The following PLA2G4C variants were observed in gnomAD, a reference collection of about 807,000 sequenced individuals.
PLA2G4C encodes cytosolic phospholipase A2 gamma.
Under a neutral mutation model 73.8 loss-of-function variants are expected in PLA2G4C, and 64 were observed. That is an observed-to-expected ratio of 0.87 (90% CI 0.71 to 1.07). The LOEUF (loss-of-function observed/expected upper bound fraction) is 1.07. Ranked by LOEUF, PLA2G4C falls within the 50% of genes least tolerant of loss-of-function variation. PLA2G4C has a pLI of 0.00. For missense variants in PLA2G4C, 622 were observed against 665.4 expected, an observed-to-expected ratio of 0.93 and a Z score of 0.72; for synonymous variants, 254 against 252.1, an observed-to-expected ratio of 1.01 and a Z score of -0.07.
At position 48,098,993 on chromosome 19, in the gene PLA2G4C, G is replaced by A. The variant is rs567841598; in HGVS notation, c.447+678C>T. Among the ~76,000 whole-genome samples the A allele has an allele frequency of 2.2e-4, 33 of 152,056 alleles. No individual in the cohort carries two copies. In the South Asian group the frequency reaches 2.3e-3, roughly 11 times the overall value. ...CTCATACACGTAATCCCAGCACTTC[G>A]GGAGGCTGAGATAGGAGGATCACTT... On this transcript the variant is annotated intron_variant, in intron 5 of 16. Transcript: ENST00000599921.
intron 7 of PLA2G4C, among the ~76,000 whole-genome samples, chr19:48,093,419 GCTCCCAACTT>G (rs1428372834): frequency 6.6e-6 from 1 of 152,078 alleles, no homozygotes; most frequent in African/African-American, 2.4e-5. Flanking sequence ...CTTCTCAACT[GCTCCCAACTT>G]CTAAGTTTAC....
At chr19:48,056,921 A>G (rs1326478814) in intron 14 of PLA2G4C, among the ~76,000 whole-genome samples, 1 of 151,198 alleles carries the variant, frequency 6.6e-6, no homozygotes, top group Non-Finnish European at 1.5e-5. Context: ...TCTAAGTGGG[A>G]GCTGAATGAT....
chr19:48,095,618 ACAACGG>A lies in PLA2G4C; in HGVS notation c.569-20_569-15del. On this transcript the variant is annotated splice_polypyrimidine_tract_variant and intron_variant, in intron 6 of 16. Coordinates refer to ENST00000599921, the MANE Select transcript of PLA2G4C (RefSeq NM_003706.3). Reference sequence around the variant, plus strand: ...CGAACCAGGTCTCTGCAGAGGAAATACAACGGCAAGTGAGTCCCAGCACAGAACCAG... The same window carrying A: ...CGAACCAGGTCTCTGCAGAGGAAATACAAGTGAGTCCCAGCACAGAACCAG... The A allele has an allele frequency of 6.2e-7, 1 of 1,613,872 alleles. No homozygotes were observed. Among genetic ancestry groups the A allele is most frequent in the Non-Finnish European group, 8.5e-7 (1 of 1,179,854 alleles).
At chr19:48,053,186 A>G in intron 15 of PLA2G4C, 39 bp from the exon 16 acceptor site, 2 of 1,479,456 alleles carry the variant, frequency 1.4e-6, no homozygotes. Flanking sequence ...AGGCATCATG[A>G]GTTTGGACAA....
intron 6 of PLA2G4C, among the ~76,000 whole-genome samples, chr19:48,096,451 T>C (rs383849): frequency 0.7 from 106,124 of 151,556 alleles, 38,640 homozygotes; most frequent in East Asian, 0.92. Flanking sequence ...GGCGTGGTGG[T>C]GCATGCCTAT....
chr19:48,106,500 G>A (rs180758334), intron 2 of PLA2G4C, 22 bp downstream of exon 2: 206 of 1,580,918 alleles, frequency 1.3e-4, no homozygotes, highest in South Asian at 2.2e-4. Flanking sequence ...TCCCCATAGT[G>A]GTCAGCTCTA....
At chr19:48,065,961 C>T (rs944846052) in intron 13 of PLA2G4C, among the ~76,000 whole-genome samples, 5 of 151,998 alleles carry the variant, frequency 3.3e-5, no homozygotes, top group Non-Finnish European at 2.9e-5. Context: ...GGCGTGGTGG[C>T]GCATGCCTGT....
intron 10 of PLA2G4C, among the ~76,000 whole-genome samples, chr19:48,084,040 TTGTGTG>T (rs71181645): frequency 0.016 from 2,256 of 139,172 alleles, 62 homozygotes; most frequent in African/African-American, 0.056. Context: ...AATGCCAATT[TTGTGTG>T]TGTGTGTGTG....
At position 48,095,602 on chromosome 19, in the gene PLA2G4C, T is replaced by G; in HGVS notation, c.571A>C (p.Thr191Pro). The change falls in exon 7 of 17, where the codon ACC becomes CCC. Residue 191 changes from threonine to proline, a missense_variant and splice_region_variant. Transcript: ENST00000599921. Reference sequence around the variant, plus strand: ...TGGTGAGGGGTGAACTCGAACCAGGTCTCTGCAGAGGAAATACAACGGCAA... The same window carrying G: ...TGGTGAGGGGTGAACTCGAACCAGGGCTCTGCAGAGGAAATACAACGGCAA... ...PSWQEARAPE[T>P]WFEFTPHHAG... 6 of 1,613,944 alleles carry G rather than the reference T, an allele frequency of 3.7e-6. No individual in the cohort carries two copies. The highest frequency in any genetic ancestry group is 5.1e-6 in the Non-Finnish European group (6 of 1,179,972).
At chr19:48,055,713 T>C (rs1430837530) in intron 14 of PLA2G4C, among the ~76,000 whole-genome samples, 1 of 152,114 alleles carries the variant, frequency 6.6e-6, no homozygotes, top group Non-Finnish European at 1.5e-5. Flanking sequence ...TGATCTCAGC[T>C]CACTGCAACC....
At chr19:48,078,171 T>G (rs2030296356) in intron 10 of PLA2G4C, among the ~76,000 whole-genome samples, 1 of 152,106 alleles carries the variant, frequency 6.6e-6, no homozygotes, top group South Asian at 2.1e-4. Flanking sequence ...CCACATCCCT[T>G]TATGATTAAA....
chr19:48,110,445 C>T, intron 1 of PLA2G4C, 42 bp downstream of exon 1: 2 of 1,455,248 alleles, frequency 1.4e-6, no homozygotes, highest in Non-Finnish European at 1.8e-6. Context: ...GTTATGGCCG[C>T]CCCAGCGGGA....
At chr19:48,076,153 G>A (rs1343035102) in intron 11 of PLA2G4C, among the ~76,000 whole-genome samples, 1 of 152,204 alleles carries the variant, frequency 6.6e-6, no homozygotes, top group East Asian at 1.9e-4. Context: ...AAAACAGGGA[G>A]GGAGGCATGA....
rs191268746 is a variant in PLA2G4C, at chr19:48,072,038, C to T, written c.1006+2729G>A. On this transcript the variant is annotated intron_variant, in intron 12 of 16. Coordinates refer to ENST00000599921, the MANE Select transcript of PLA2G4C (RefSeq NM_003706.3). The surrounding 1 kb of genome is among the most constrained non-coding windows in gnomAD (Gnocchi z 4.4). The stretch of plus-strand genomic sequence containing the variant: ...GTGCATGCCTGTGGTCCCAGCTACT[C>T]GGGAGGCTGAGGCAGGAGAATCGCT... 2.1e-4 allele frequency among the ~76,000 whole-genome samples: 32 copies of T among 151,590 alleles called. No homozygotes were observed. The highest frequency in any genetic ancestry group is 3.4e-3 in the Middle Eastern group (1 of 294).
rs540911510 is a variant in PLA2G4C, at chr19:48,087,417, G to A, written c.790+1269C>T. Reference sequence around the variant, plus strand: ...CAGCCTTTCTGGAACATATCAGGGCGACTGCATCCCCACAGGAGGAGCCCC... The same window carrying A: ...CAGCCTTTCTGGAACATATCAGGGCAACTGCATCCCCACAGGAGGAGCCCC... On this transcript the variant is annotated intron_variant, in intron 9 of 16. Transcript: ENST00000599921. 3.3e-5 allele frequency among the ~76,000 whole-genome samples: 5 copies of A among 152,276 alleles called. No individual in the cohort carries two copies. In the South Asian group the frequency reaches 6.2e-4, roughly 19 times the overall value.
At chr19:48,105,538 T>A (rs1196087105) in intron 2 of PLA2G4C, 94 bp from the exon 3 acceptor site, 114 of 876,822 alleles carry the variant, frequency 1.3e-4, no homozygotes, top group Non-Finnish European at 1.3e-5. Flanking sequence ...TCCAAGCAGG[T>A]AGCCACCAGC....
intron 10 of PLA2G4C, 22 bp from the exon 11 acceptor site, chr19:48,077,846 G>A: frequency 6.3e-7 from 1 of 1,597,348 alleles, no homozygotes; most frequent in South Asian, 1.1e-5. Context: ...CAGAGGCAGG[G>A]GGAATGTTTA....
At chr19:48,106,774 GTC>G (rs1227034999) in intron 1 of PLA2G4C, 3 of 561,018 alleles carry the variant, frequency 5.3e-6, no homozygotes, top group Admixed American at 6.2e-5. Context: ...TTTCAAGCGC[GTC>G]TCTCTGAAAA....
intron 14 of PLA2G4C, chr19:48,061,459 T>C (rs1238276897): frequency 6.4e-6 from 1 of 155,818 alleles, no homozygotes; most frequent in Non-Finnish European, 1.4e-5. Context: ...TTACGCACAT[T>C]GGATCAGGCC....
Sources: allele counts gnomAD v4.1 joint callset (sites outside exome capture counted in the v4.1 genomes callset), GRCh38; gene constraint gnomAD v4.1.1; non-coding constraint Gnocchi (gnomAD v3.1); transcripts MANE v1.5; gene names NCBI Gene and HGNC (gene_info 2026-07-23, HGNC 2026-07-21).